PTF1A: variants seen among roughly 807,000 people sequenced by gnomAD.
PTF1A encodes pancreas transcription factor 1 subunit alpha.
In PTF1A, 18 loss-of-function variants were observed where a neutral mutation model predicts 22.6. That is an observed-to-expected ratio of 0.80 (90% CI 0.55 to 1.18). The LOEUF (loss-of-function observed/expected upper bound fraction) is 1.18, where lower values mean the gene tolerates loss of function less well. Ranked by LOEUF, PTF1A falls within the 50% of genes most tolerant of loss-of-function variation. The pLI is 0.00. For missense variants in PTF1A, 477 were observed against 473.0 expected (o/e 1.01, Z -0.08); for synonymous variants, 259 against 227.9 (o/e 1.14, Z -1.23).
At position 23,192,669 on chromosome 10, in the gene PTF1A, C is replaced by G. The variant is rs1347527808; in HGVS notation, c.139C>G (p.Gln47Glu). Residue 47 changes from glutamine to glutamate, a missense_variant, in exon 1 of 2, where the codon CAG becomes GAG. Coordinates refer to ENST00000376504, the MANE Select transcript of PTF1A (RefSeq NM_178161.3). ...CGGCGATGAGCTGCTGGCGGACGAG[C>G]AGGCCGAGGTGGAGTTCCTTAGCCA... is the stretch of plus-strand genomic sequence containing the variant. ...EDGDELLADE[Q>E]AEVEFLSHQL... 3 of 1,599,768 alleles carry G rather than the reference C, an allele frequency of 1.9e-6. No homozygotes were observed. The highest frequency in any genetic ancestry group is 2.6e-6 in the Non-Finnish European group (3 of 1,174,288).
In PTF1A at chr10:23,192,418, C is replaced by G; in HGVS notation, c.-113C>G. The G allele has an allele frequency of 6.8e-7, 1 of 1,468,616 alleles. No homozygotes were observed. Among genetic ancestry groups the G allele is most frequent in the Admixed American group, 2.2e-5 (1 of 45,924 alleles). The allele number at this position is 1,468,616 out of a possible 1,614,324, so 91.0% of individuals were successfully genotyped here. A position where few individuals can be genotyped will look rare whatever the true frequency, so the allele number is the denominator to read the frequency against. On this transcript the variant is annotated 5_prime_UTR_variant, in exon 1 of 2. Coordinates refer to ENST00000376504, the MANE Select transcript of PTF1A (RefSeq NM_178161.3). The stretch of plus-strand genomic sequence containing the variant: ...CGGGGGCGGGCAGCCCGGCGGCCGC[C>G]TAGCTGCCCCCAGCCAGGGCCCCGG...
chr10:23,193,438 A>T, intron 1 of PTF1A, 124 bp downstream of exon 1: 2 of 957,030 alleles, frequency 2.1e-6, no homozygotes, highest in Non-Finnish European at 3.0e-6. Flanking sequence ...GCACGGAAAA[A>T]CTTGAATGCG....
chr10:23,192,804 C>A lies in PTF1A; in HGVS notation c.274C>A (p.Pro92Thr). 10 of 1,308,568 alleles carry A rather than the reference C, an allele frequency of 7.6e-6. No individual in the cohort carries two copies. Among genetic ancestry groups the A allele is most frequent in the Non-Finnish European group, 8.7e-6 (9 of 1,035,038 alleles). The allele number at this position is 1,308,568 out of a possible 1,614,324, so 81.1% of individuals were successfully genotyped here. A position where few individuals can be genotyped will look rare whatever the true frequency, so the allele number is the denominator to read the frequency against. ...GCCGTCCTCGGGGGGCCTCGGTGAG[C>A]CAGACGACGGCGGCGGCGGCGGCTA... ...APPSSGGLGE[P>T]DDGGGGGYCC... Residue 92 changes from proline to threonine, a missense_variant, in exon 1 of 2, where the codon CCA (proline) becomes ACA (threonine). Transcript: ENST00000376504.
At position 23,193,116 on chromosome 10, in the gene PTF1A, G is replaced by C; in HGVS notation, c.586G>C (p.Glu196Gln). 6.9e-7 allele frequency: 1 copy of C among 1,446,346 alleles called. No individual in the cohort carries two copies. Among genetic ancestry groups the C allele is most frequent in the East Asian group, 3.0e-5 (1 of 33,074 alleles). 89.6% of individuals were successfully genotyped at this position (1,446,346 alleles called of 1,614,324 possible). The change falls in exon 1 of 2, where the codon GAG becomes CAG. Residue 196 changes from glutamate to glutamine, a missense_variant. Glu to Gln is a conservative substitution (Grantham distance 29). Coordinates refer to ENST00000376504, the MANE Select transcript of PTF1A (RefSeq NM_178161.3). ...CTCGCACATCCCCACGCTGCCCTAC[G>C]AGAAGCGCCTCTCCAAGGTGGACAC... The part of the protein sequence containing the change: ...LRSHIPTLPY[E>Q]KRLSKVDTLR...
Position 23,192,722 on chromosome 10 carries a change from C to T in PTF1A, c.192C>T (p.Asp64=), listed in dbSNP as rs749956400. Residue 64 remains aspartate, a synonymous_variant, in exon 1 of 2, where the codon GAC becomes GAT. Transcript: ENST00000376504. The part of the protein sequence containing the change: ...SHQLHEYCYR[D]GACLLLQPAP... ...AGCTCCACGAGTACTGCTACCGCGACGGGGCGTGCCTGCTGCTGCAGCCCG... is the reference window on the plus strand; with the variant it reads ...AGCTCCACGAGTACTGCTACCGCGATGGGGCGTGCCTGCTGCTGCAGCCCG... 1 of 1,533,152 alleles carries T rather than the reference C, an allele frequency of 6.5e-7. No individual in the cohort carries two copies. 95.0% of individuals were successfully genotyped at this position (1,533,152 alleles called of 1,614,324 possible).
rs1840910398 is a variant in PTF1A, at chr10:23,192,871, C to T, written c.341C>T (p.Ser114Leu). ...TGAPPGGFPY[S>L]PGSPPSCLAY... ...GCGCCCCCAGGCGGCTTCCCCTACT[C>T]GCCCGGCTCGCCGCCCTCGTGCCTG... is the stretch of plus-strand genomic sequence containing the variant. The change falls in exon 1 of 2, where the codon TCG becomes TTG. Residue 114 changes from serine to leucine, a missense_variant. Transcript: ENST00000376504. 8 of 1,315,738 alleles carry T rather than the reference C, an allele frequency of 6.1e-6. No homozygotes were observed. The highest frequency in any genetic ancestry group is 7.8e-6 in the Non-Finnish European group (8 of 1,030,116). The allele number at this position is 1,315,738 out of a possible 1,614,324, so 81.5% of individuals were successfully genotyped here.
In PTF1A at chr10:23,193,236, C is replaced by A. The variant is rs1840917269; in HGVS notation, c.706C>A (p.Pro236Thr). Residue 236 changes from proline to threonine, a missense_variant, in exon 1 of 2, where the codon CCG (proline) becomes ACG (threonine). Transcript: ENST00000376504. ...CGGTGGCGCGGGCGGCTGCGGGGGG[C>A]CGGGCGGCGGCGGGCGCCTGGGCGG... ...RGGGAGGCGGPGGGGRLGGDS... is the reference protein window; with the variant it reads ...RGGGAGGCGGTGGGGRLGGDS... 7.9e-7 allele frequency: 1 copy of A among 1,262,478 alleles called. No individual in the cohort carries two copies. Among genetic ancestry groups the A allele is most frequent in the Non-Finnish European group, 9.9e-7 (1 of 1,010,256 alleles). The allele number at this position is 1,262,478 out of a possible 1,614,324, so 78.2% of individuals were successfully genotyped here.
chr10:23,193,990 G>T lies in PTF1A; in HGVS notation c.*84G>T. On this transcript the variant is annotated 3_prime_UTR_variant, in exon 2 of 2. Coordinates refer to ENST00000376504, the MANE Select transcript of PTF1A (RefSeq NM_178161.3). ...TATCTATAATGTAAATGTAATTTAAGAATCAAATTTTTCGAATGGCAATCA... is the reference window on the plus strand; with the variant it reads ...TATCTATAATGTAAATGTAATTTAATAATCAAATTTTTCGAATGGCAATCA... The T allele has an allele frequency of 8.4e-7, 1 of 1,190,896 alleles. No homozygotes were observed. The highest frequency in any genetic ancestry group is 1.2e-5 in the South Asian group (1 of 80,620). The allele number at this position is 1,190,896 out of a possible 1,614,324, so 73.8% of individuals were successfully genotyped here. A position where few individuals can be genotyped will look rare whatever the true frequency, so the allele number is the denominator to read the frequency against.
At position 23,194,059 on chromosome 10, in the gene PTF1A, A is replaced by T. The variant is rs1436778858; in HGVS notation, c.*153A>T. The T allele has an allele frequency of 3.2e-6, 2 of 632,960 alleles. No individual in the cohort carries two copies. Among genetic ancestry groups the T allele is most frequent in the Non-Finnish European group, 5.6e-6 (2 of 355,594 alleles). 39.2% of individuals were successfully genotyped at this position (632,960 alleles called of 1,614,324 possible). On this transcript the variant is annotated 3_prime_UTR_variant, in exon 2 of 2. Coordinates refer to ENST00000376504, the MANE Select transcript of PTF1A (RefSeq NM_178161.3). ...ATTTATTATCCTGTTGAGTTGATGA[A>T]ATAGATGATTTCTTTTTAAATATAT...
In PTF1A at chr10:23,194,036, TTATTA is replaced by T; in HGVS notation, c.*132_*136del. ...AATCAACTGTTTATTATTTATCTATTTATTATCCTGTTGAGTTGATGAAATAGATG... is the reference window on the plus strand; with the variant it reads ...AATCAACTGTTTATTATTTATCTATTTCCTGTTGAGTTGATGAAATAGATG... On this transcript the variant is annotated 3_prime_UTR_variant, in exon 2 of 2. Transcript: ENST00000376504. The T allele has an allele frequency of 1.4e-6, 1 of 725,220 alleles. No homozygotes were observed. Among genetic ancestry groups the T allele is most frequent in the Non-Finnish European group, 2.5e-6 (1 of 405,472 alleles). The allele number at this position is 725,220 out of a possible 1,614,324, so 44.9% of individuals were successfully genotyped here. A position where few individuals can be genotyped will look rare whatever the true frequency, so the allele number is the denominator to read the frequency against.
Position 23,192,525 on chromosome 10 carries a change from G to A in PTF1A, c.-6G>A. The A allele has an allele frequency of 1.3e-6, 2 of 1,589,566 alleles. No homozygotes were observed. Among genetic ancestry groups the A allele is most frequent in the Non-Finnish European group, 1.7e-6 (2 of 1,169,920 alleles). On this transcript the variant is annotated 5_prime_UTR_variant, in exon 1 of 2. Coordinates refer to ENST00000376504, the MANE Select transcript of PTF1A (RefSeq NM_178161.3). Reference sequence around the variant, plus strand: ...GGCAGTCCCGCTGCCCACTGCGGCGGCGAGCATGGACGCGGTGTTGCTGGA... The same window carrying A: ...GGCAGTCCCGCTGCCCACTGCGGCGACGAGCATGGACGCGGTGTTGCTGGA...
chr10:23,193,486 TCTG>T, intron 1 of PTF1A, 172 bp downstream of exon 1: 1 of 769,722 alleles, frequency 1.3e-6, no homozygotes, highest in Non-Finnish European at 2.0e-6. Context: ...TTTTTATTTT[TCTG>T]CCACGTTGAC....
Position 23,193,286 on chromosome 10 carries a change from G to C in PTF1A, c.756G>C (p.Gln252His), listed in dbSNP as rs1840918767. Residue 252 changes from glutamine to histidine, a missense_variant, in exon 1 of 2, where the codon CAG (glutamine) becomes CAC (histidine). Physicochemically the swap from Gln to His is conservative, Grantham distance 24. Coordinates refer to ENST00000376504, the MANE Select transcript of PTF1A (RefSeq NM_178161.3). ...LGGDSPGSQA[Q>H]KVIICHRGTR... ...GGGACAGCCCGGGCAGCCAGGCCCA[G>C]AAGGTCATCATCTGCCATCGGGGCA... 7.9e-7 allele frequency: 1 copy of C among 1,263,102 alleles called. No individual in the cohort carries two copies. The highest frequency in any genetic ancestry group is 1.6e-5 in the African/African-American group (1 of 64,488). The allele number at this position is 1,263,102 out of a possible 1,614,324, so 78.2% of individuals were successfully genotyped here. A position where few individuals can be genotyped will look rare whatever the true frequency, so the allele number is the denominator to read the frequency against.
chr10:23,193,953 T>C lies in PTF1A; in HGVS notation c.*47T>C, dbSNP rs1840932742. 7.2e-7 allele frequency: 1 copy of C among 1,383,700 alleles called. No individual in the cohort carries two copies. The allele number at this position is 1,383,700 out of a possible 1,614,324, so 85.7% of individuals were successfully genotyped here. A position where few individuals can be genotyped will look rare whatever the true frequency, so the allele number is the denominator to read the frequency against. On this transcript the variant is annotated 3_prime_UTR_variant, in exon 2 of 2. Coordinates refer to ENST00000376504, the MANE Select transcript of PTF1A (RefSeq NM_178161.3). ...GATCTGATTATGTCTCTGTGCATAT[T>C]GTACATGTAAATATCTATAATGTAA...
chr10:23,193,472 T>TA (rs979758933), intron 1 of PTF1A, 158 bp downstream of exon 1: 10 of 822,722 alleles, frequency 1.2e-5, no homozygotes, highest in South Asian at 4.5e-5. Flanking sequence ...CGTTTTTTTT[T>TA]TTTTTTTTAT....
chr10:23,193,945 G>C lies in PTF1A; in HGVS notation c.*39G>C. ...CGGCTGAAGATCTGATTATGTCTCT[G>C]TGCATATTGTACATGTAAATATCTA... On this transcript the variant is annotated 3_prime_UTR_variant, in exon 2 of 2. Coordinates refer to ENST00000376504, the MANE Select transcript of PTF1A (RefSeq NM_178161.3). 2.1e-6 allele frequency: 3 copies of C among 1,444,892 alleles called. No individual in the cohort carries two copies. Among genetic ancestry groups the C allele is most frequent in the Non-Finnish European group, 2.9e-6 (3 of 1,026,132 alleles). The allele number at this position is 1,444,892 out of a possible 1,614,324, so 89.5% of individuals were successfully genotyped here. A position where few individuals can be genotyped will look rare whatever the true frequency, so the allele number is the denominator to read the frequency against.
chr10:23,192,853 C>T lies in PTF1A; in HGVS notation c.323C>T (p.Pro108Leu), dbSNP rs1196563481. The change falls in exon 1 of 2, where the codon CCA (proline) becomes CTA (leucine). Residue 108 changes from proline (P) to leucine (L), a missense_variant. Coordinates refer to ENST00000376504, the MANE Select transcript of PTF1A (RefSeq NM_178161.3). ...TACTGCTGCGAGACGGGGGCGCCCC[C>T]AGGCGGCTTCCCCTACTCGCCCGGC... ...GGYCCETGAP[P>L]GGFPYSPGSP... 4 of 1,320,402 alleles carry T rather than the reference C, an allele frequency of 3.0e-6. No individual in the cohort carries two copies. Among genetic ancestry groups the T allele is most frequent in the Middle Eastern group, 2.8e-4 (1 of 3,576 alleles). The allele number at this position is 1,320,402 out of a possible 1,614,324, so 81.8% of individuals were successfully genotyped here.
At position 23,192,914 on chromosome 10, in the gene PTF1A, G is replaced by GGCGGCAGTACTGTCTCCCGGGGC; in HGVS notation, c.390_412dup (p.Leu138GlnfsTer12). ...CGTGCCTGGCCTACCCGTGCGCCGGGGCGGCAGTACTGTCTCCCGGGGCGC... is the reference window on the plus strand; with the variant it reads ...CGTGCCTGGCCTACCCGTGCGCCGGGGCGGCAGTACTGTCTCCCGGGGCGCGGCAGTACTGTCTCCCGGGGCGC... On this transcript the variant is annotated frameshift_variant, in exon 1 of 2. Coordinates refer to ENST00000376504, the MANE Select transcript of PTF1A (RefSeq NM_178161.3). LOFTEE classifies it high-confidence loss of function. 1.6e-6 allele frequency: 2 copies of GGCGGCAGTACTGTCTCCCGGGGC among 1,260,490 alleles called. No individual in the cohort carries two copies. Among genetic ancestry groups the GGCGGCAGTACTGTCTCCCGGGGC allele is most frequent in the Non-Finnish European group, 2.0e-6 (2 of 999,242 alleles). 78.1% of individuals were successfully genotyped at this position (1,260,490 alleles called of 1,614,324 possible). A position where few individuals can be genotyped will look rare whatever the true frequency, so the allele number is the denominator to read the frequency against.
Position 23,193,148 on chromosome 10 carries a change from C to T in PTF1A, c.618C>T (p.Arg206=), listed in dbSNP as rs1439520865. Residue 206 remains arginine (R), a synonymous_variant, in exon 1 of 2, where the codon CGC becomes CGT. Transcript: ENST00000376504. ...GCCTCTCCAAGGTGGACACGCTGCGCCTGGCCATCGGCTACATCAACTTCC... is the reference window on the plus strand; with the variant it reads ...GCCTCTCCAAGGTGGACACGCTGCGTCTGGCCATCGGCTACATCAACTTCC... ...EKRLSKVDTL[R]LAIGYINFLS... 52 of 1,430,832 alleles carry T rather than the reference C, an allele frequency of 3.6e-5. No individual in the cohort carries two copies. The highest frequency in any genetic ancestry group is 4.7e-5 in the Non-Finnish European group (51 of 1,084,916). The allele number at this position is 1,430,832 out of a possible 1,614,324, so 88.6% of individuals were successfully genotyped here.
Sources: allele counts gnomAD v4.1 joint callset, GRCh38; gene constraint gnomAD v4.1.1; transcripts MANE v1.5; gene names NCBI Gene and HGNC (gene_info 2026-07-23, HGNC 2026-07-21).